Variants in NDFIP2 observed in about 807,000 individuals in gnomAD.
NDFIP2 encodes Nedd4 family interacting protein 2, also known as NEDD4 family-interacting protein 2.
In NDFIP2, 19 loss-of-function variants were observed where a neutral mutation model predicts 36.0. The observed-to-expected ratio is 0.53, with a 90% CI of 0.37 to 0.77. The LOEUF (loss-of-function observed/expected upper bound fraction) is 0.77, where lower values mean the gene tolerates loss of function less well. Ranked by LOEUF, NDFIP2 falls within the 30% of genes least tolerant of loss-of-function variation. The pLI, the probability that NDFIP2 is intolerant of heterozygous loss-of-function variation, is 0.00. For missense variants in NDFIP2, 446 were observed against 435.8 expected (o/e 1.02, Z -0.21); for synonymous variants, 181 against 167.7 (o/e 1.08, Z -0.61).
At chr13:79,544,444 G>C (rs945965067) in intron 5 of NDFIP2, among the ~76,000 whole-genome samples, 44 of 150,582 alleles carry the variant, frequency 2.9e-4, no homozygotes, top group African/African-American at 1.0e-3. Context: ...TCATCCCCCA[G>C]CCTTTTGAAG....
intron 1 of NDFIP2, among the ~76,000 whole-genome samples, chr13:79,519,503 A>G (rs1163015776): frequency 6.6e-6 from 1 of 152,212 alleles, no homozygotes; most frequent in Non-Finnish European, 1.5e-5. Context: ...AAACGTCTTC[A>G]GTCACACTGC....
intron 4 of NDFIP2, among the ~76,000 whole-genome samples, chr13:79,542,512 G>GTTTT (rs1291989853): frequency 7.0e-6 from 1 of 143,120 alleles, no homozygotes; most frequent in African/African-American, 2.6e-5. Flanking sequence ...TCTGTTTTTT[G>GTTTT]TTTTTTTTTT....
chr13:79,481,355 C>A lies in NDFIP2; in HGVS notation c.152C>A (p.Pro51Gln), dbSNP rs777022524. 4 of 1,550,646 alleles carry A rather than the reference C, an allele frequency of 2.6e-6. No individual in the cohort carries two copies. The highest frequency in any genetic ancestry group is 3.5e-6 in the Non-Finnish European group (4 of 1,147,920). Reference sequence around the variant, plus strand: ...GCCACAGGAAGTGAAGAGCTTCCGCCGGGAGACCGCGGCTGCAGGAACGGA... The same window carrying A: ...GCCACAGGAAGTGAAGAGCTTCCGCAGGGAGACCGCGGCTGCAGGAACGGA... ...AGATGSEELP[P>Q]GDRGCRNGGG... The change falls in exon 1 of 8, where the codon CCG becomes CAG. Residue 51 changes from proline to glutamine, a missense_variant. By Grantham distance (76) the Pro-to-Gln change is moderately conservative. This residue lies in a region of NDFIP2 where 369 missense variants were observed against 304.8 expected (regional missense o/e 1.21). Transcript: ENST00000218652.
intron 3 of NDFIP2, among the ~76,000 whole-genome samples, chr13:79,534,350 G>GTTTTTTT (rs532659161): frequency 8.4e-5 from 8 of 95,406 alleles, no homozygotes; most frequent in Non-Finnish European, 1.4e-4. Flanking sequence ...TTTGTCAGCT[G>GTTTTTTT]TTTTTTTTTT....
intron 1 of NDFIP2, among the ~76,000 whole-genome samples, chr13:79,494,813 T>C (rs1008276169): frequency 6.6e-6 from 1 of 151,994 alleles, no homozygotes; most frequent in African/African-American, 2.4e-5. Context: ...ATAAAGCTCA[T>C]TTTAATGTCT....
chr13:79,481,289 G>C lies in NDFIP2; in HGVS notation c.86G>C (p.Gly29Ala). 1 of 1,539,446 alleles carries C rather than the reference G, an allele frequency of 6.5e-7. No homozygotes were observed. Among genetic ancestry groups the C allele is most frequent in the Non-Finnish European group, 8.7e-7 (1 of 1,146,310 alleles). ...SARGAPELLR[G>A]TATNAEVSAA... Reference sequence around the variant, plus strand: ...CGCGGCGCCCCGGAGCTTCTCCGCGGAACCGCGACCAACGCGGAGGTCTCG... The same window carrying C: ...CGCGGCGCCCCGGAGCTTCTCCGCGCAACCGCGACCAACGCGGAGGTCTCG... The change falls in exon 1 of 8, where the codon GGA becomes GCA. Residue 29 changes from glycine to alanine, a missense_variant. Around this residue, in one of 2 missense-constraint regions of NDFIP2, gnomAD observed 369 missense variants for 304.8 expected, o/e 1.21. Coordinates refer to ENST00000218652, the MANE Select transcript of NDFIP2 (RefSeq NM_019080.3).
intron 1 of NDFIP2, among the ~76,000 whole-genome samples, chr13:79,481,960 T>C (rs914696507): frequency 6.6e-6 from 1 of 151,850 alleles, no homozygotes; most frequent in African/African-American, 2.4e-5. Context: ...GGTGAGTAGG[T>C]GGGTGGAGGT....
intron 1 of NDFIP2, among the ~76,000 whole-genome samples, chr13:79,511,264 A>G (rs901668716): frequency 6.6e-6 from 1 of 152,180 alleles, no homozygotes. Flanking sequence ...ATCTCAAATT[A>G]TGTCAAAGAC....
chr13:79,555,183 G>A lies in NDFIP2; in HGVS notation c.*2670G>A, dbSNP rs568328203. On this transcript the variant is annotated 3_prime_UTR_variant, in exon 8 of 8. Coordinates refer to ENST00000218652, the MANE Select transcript of NDFIP2 (RefSeq NM_019080.3). ...AACCTCTCCTAACAGGAAAAGTGGA[G>A]TTCAAAATATCCAATTGGAGAAAAA... is the stretch of plus-strand genomic sequence containing the variant. 1.3e-5 allele frequency: 2 copies of A among 149,798 alleles called. No homozygotes were observed. The highest frequency in any genetic ancestry group is 3.0e-5 in the Non-Finnish European group (2 of 67,346). 9.3% of individuals were successfully genotyped at this position (149,798 alleles called of 1,614,324 possible). A position where few individuals can be genotyped will look rare whatever the true frequency, so the allele number is the denominator to read the frequency against.
chr13:79,497,831 T>C (rs1873506359), intron 1 of NDFIP2, among the ~76,000 whole-genome samples: 1 of 151,000 alleles, frequency 6.6e-6, no homozygotes, highest in Non-Finnish European at 1.5e-5. Flanking sequence ...TGTGTGTGTA[T>C]GTGTGTACTT....
intron 6 of NDFIP2, 50 bp downstream of exon 6, chr13:79,548,444 T>C (rs763212956): frequency 7.5e-7 from 1 of 1,337,674 alleles, no homozygotes; most frequent in Non-Finnish European, 1.1e-6. Context: ...TTCCAAAAAC[T>C]GTAAGATGTA....
At chr13:79,506,142 T>C (rs1054985407) in intron 1 of NDFIP2, among the ~76,000 whole-genome samples, 1 of 152,178 alleles carries the variant, frequency 6.6e-6, no homozygotes, top group African/African-American at 2.4e-5. Context: ...CAGAAAGATA[T>C]GTTCCTTTCT....
intron 1 of NDFIP2, among the ~76,000 whole-genome samples, chr13:79,516,776 G>T (rs759032801): frequency 2.0e-4 from 30 of 152,190 alleles, no homozygotes; most frequent in Admixed American, 1.2e-3. Flanking sequence ...CTAATGTAGT[G>T]CACTGCTTGC....
At chr13:79,516,965 A>G (rs1185951820) in intron 1 of NDFIP2, among the ~76,000 whole-genome samples, 1 of 152,188 alleles carries the variant, frequency 6.6e-6, no homozygotes, top group Non-Finnish European at 1.5e-5. Context: ...AAAAGAAACA[A>G]TCTTTATGCA....
chr13:79,497,795 G>GGTGTGTGT (rs769463873), intron 1 of NDFIP2, among the ~76,000 whole-genome samples: 4 of 128,904 alleles, frequency 3.1e-5, no homozygotes, highest in Non-Finnish European at 6.7e-5. Context: ...ATCTGTGGGG[G>GGTGTGTGT]GTGTGTGTGT....
chr13:79,486,815 A>C (rs1197192708), intron 1 of NDFIP2, among the ~76,000 whole-genome samples: 1 of 152,190 alleles, frequency 6.6e-6, no homozygotes, highest in Non-Finnish European at 1.5e-5. Context: ...TTAGATAAAT[A>C]CTGTTGTTTT....
intron 1 of NDFIP2, among the ~76,000 whole-genome samples, chr13:79,512,774 T>C (rs541208537): frequency 1.4e-4 from 21 of 152,344 alleles, no homozygotes; most frequent in Admixed American, 1.3e-3. Flanking sequence ...CTATTGCACA[T>C]GACCAGGCTA....
At chr13:79,482,065 T>C (rs1446075336) in intron 1 of NDFIP2, among the ~76,000 whole-genome samples, 1 of 152,096 alleles carries the variant, frequency 6.6e-6, no homozygotes, top group Non-Finnish European at 1.5e-5. Flanking sequence ...GCTGATCTTG[T>C]CTCTCTGCTC....
At chr13:79,524,613 G>A (rs555069627) in intron 2 of NDFIP2, among the ~76,000 whole-genome samples, 36 of 152,332 alleles carry the variant, frequency 2.4e-4, no homozygotes, top group Admixed American at 5.9e-4. Flanking sequence ...AGGATGGTCA[G>A]CTGCATTGTC....
Sources: allele counts gnomAD v4.1 joint callset (sites outside exome capture counted in the v4.1 genomes callset), GRCh38; gene constraint gnomAD v4.1.1; regional missense constraint gnomAD v4.1.1; transcripts MANE v1.5; gene names NCBI Gene and HGNC (gene_info 2026-07-23, HGNC 2026-07-21).